The following GPR141 variants were observed in gnomAD, a reference collection of about 807,000 sequenced individuals.
The protein encoded by GPR141 is probable G protein-coupled receptor 141.
A neutral mutation model predicts 6.8 loss-of-function variants in GPR141; 6 were observed. The ratio of observed to expected loss-of-function variants is 0.88; its 90% CI spans 0.48 to 1.74. GPR141 has a LOEUF of 1.74. Ranked by LOEUF, GPR141 falls within the 40% of genes most tolerant of loss-of-function variation. The pLI is 0.01. For missense variants in GPR141, 372 were observed against 372.9 expected (o/e 1.00, Z 0.02); for synonymous variants, 140 against 142.3 (o/e 0.98, Z 0.11).
chr7:37,684,140 A>G (rs1809394589), intron 1 of GPR141, among the ~76,000 whole-genome samples: 1 of 152,240 alleles, frequency 6.6e-6, no homozygotes, highest in South Asian at 2.1e-4. Flanking sequence ...GTGAACAAAA[A>G]TGATTTCAGA....
intron 1 of GPR141, 96 bp from the exon 2 acceptor site, chr7:37,685,364 T>TCCTGCCTGCCTG (rs542068592): frequency 4.1e-5 from 6 of 145,244 alleles, no homozygotes; most frequent in African/African-American, 1.3e-4. Flanking sequence ...CCTCCTTCCT[T>TCCTGCCTGCCTG]CCTGCCTGCC....
At chr7:37,737,311 CT>C (rs1178922646) in intron 2 of GPR141, among the ~76,000 whole-genome samples, 2 of 151,658 alleles carry the variant, frequency 1.3e-5, no homozygotes, top group East Asian at 3.9e-4. Flanking sequence ...GTATAACAAC[CT>C]TTATTTTTTA....
intron 2 of GPR141, among the ~76,000 whole-genome samples, chr7:37,707,073 C>T (rs1170219958): frequency 3.3e-5 from 5 of 152,054 alleles, no homozygotes; most frequent in Non-Finnish European, 7.4e-5. Context: ...TAAAAAGTGT[C>T]TGGTGGTGGA....
chr7:37,691,115 A>G (rs890261861), intron 2 of GPR141, among the ~76,000 whole-genome samples: 2 of 152,044 alleles, frequency 1.3e-5, no homozygotes, highest in African/African-American at 2.4e-5. Flanking sequence ...TTTTATCTGT[A>G]TAAGTATAGT....
intron 2 of GPR141, among the ~76,000 whole-genome samples, chr7:37,701,655 C>T (rs1810281593): frequency 6.6e-6 from 1 of 152,210 alleles, no homozygotes; most frequent in Non-Finnish European, 1.5e-5. Context: ...GTCAACCCTA[C>T]ACACAAATCC....
intron 2 of GPR141, among the ~76,000 whole-genome samples, chr7:37,722,686 A>C (rs1056428020): frequency 4.1e-5 from 6 of 147,070 alleles, no homozygotes; most frequent in African/African-American, 7.7e-5. Flanking sequence ...ATGCCACTGC[A>C]CTCCAGCCTG....
intron 2 of GPR141, among the ~76,000 whole-genome samples, chr7:37,727,109 A>C (rs981828791): frequency 6.6e-6 from 1 of 152,190 alleles, no homozygotes; most frequent in African/African-American, 2.4e-5. Context: ...TGGATATGCT[A>C]ATTTGTTCTT....
chr7:37,702,728 A>C (rs941414149), intron 2 of GPR141, among the ~76,000 whole-genome samples: 2 of 150,314 alleles, frequency 1.3e-5, no homozygotes, highest in African/African-American at 4.9e-5. Flanking sequence ...CTAAAACTTA[A>C]AGTATAATAA....
intron 2 of GPR141, among the ~76,000 whole-genome samples, chr7:37,721,071 A>G (rs1811302826): frequency 6.6e-6 from 1 of 152,174 alleles, no homozygotes; most frequent in Non-Finnish European, 1.5e-5. Context: ...CAGTGAAGAA[A>G]TGTCACTTTT....
chr7:37,698,567 C>T (rs1314216631), intron 2 of GPR141, among the ~76,000 whole-genome samples: 1 of 152,022 alleles, frequency 6.6e-6, no homozygotes, highest in Non-Finnish European at 1.5e-5. Context: ...TGGGGATTTG[C>T]TATGTATTGG....
At chr7:37,698,697 G>A (rs1810138400) in intron 2 of GPR141, among the ~76,000 whole-genome samples, 4 of 152,144 alleles carry the variant, frequency 2.6e-5, no homozygotes, top group Admixed American at 2.6e-4. Flanking sequence ...GTTTTTGTCT[G>A]TGCTTAGACA....
rs1219993915 is a variant in GPR141 at position 37,743,379 on chromosome 7, T to G, written c.*2068T>G. Among the ~76,000 whole-genome samples, 3 of 152,084 alleles carry G rather than the reference T, an allele frequency of 2.0e-5. No individual in the cohort carries two copies. The highest frequency in any genetic ancestry group is 7.2e-5 in the African/African-American group (3 of 41,446). On this transcript the variant is annotated 3_prime_UTR_variant, in exon 3 of 3. Transcript: ENST00000334425. ...TGACTTGTTTCCATATATTTTCTGT[T>G]TTATATATTCTTTTAAATATCCTTT...
rs1812539016 is a variant in GPR141, at chr7:37,741,108, C to T, written c.715C>T (p.Leu239Phe). Residue 239 changes from leucine to phenylalanine, a missense_variant, in exon 3 of 3, where the codon CTT becomes TTT. Physicochemically the swap from Leu to Phe is conservative, Grantham distance 22. Coordinates refer to ENST00000334425, the MANE Select transcript of GPR141 (RefSeq NM_001381946.1). Reference sequence around the variant, plus strand: ...TATAGGGGTCATCCTTGTTTGTTTCCTTCCCTACCAGTTCTTTAGGATCTA... The same window carrying T: ...TATAGGGGTCATCCTTGTTTGTTTCTTTCCCTACCAGTTCTTTAGGATCTA... Reference protein sequence around the residue: ...FFIGVILVCFLPYQFFRIYYL... With the variant: ...FFIGVILVCFFPYQFFRIYYL... 3.1e-6 allele frequency: 5 copies of T among 1,613,816 alleles called. No homozygotes were observed. In the South Asian group the frequency reaches 4.4e-5, roughly 14 times the overall value.
chr7:37,687,911 T>C (rs886159280), intron 2 of GPR141, among the ~76,000 whole-genome samples: 3 of 152,272 alleles, frequency 2.0e-5, no homozygotes, highest in South Asian at 4.1e-4. Context: ...GAGCAAACTT[T>C]TTCTTAAAGG....
At chr7:37,725,724 C>G (rs955258679) in intron 2 of GPR141, among the ~76,000 whole-genome samples, 2 of 152,102 alleles carry the variant, frequency 1.3e-5, no homozygotes, top group Non-Finnish European at 2.9e-5. Flanking sequence ...GAGTGATAGA[C>G]AAAATTTCTT....
intron 2 of GPR141, among the ~76,000 whole-genome samples, chr7:37,724,707 G>T (rs541459946): frequency 8.9e-4 from 135 of 152,302 alleles, no homozygotes; most frequent in African/African-American, 3.2e-3. Flanking sequence ...GTTCTAAGGA[G>T]AGCTCAAAGG....
chr7:37,712,651 A>G (rs963826151), intron 2 of GPR141, among the ~76,000 whole-genome samples: 1 of 152,210 alleles, frequency 6.6e-6, no homozygotes, highest in Non-Finnish European at 1.5e-5. Flanking sequence ...GTGGCAATGC[A>G]TGAGCAGATG....
chr7:37,708,249 C>CT (rs67607558), intron 2 of GPR141, among the ~76,000 whole-genome samples: 147,374 of 147,374 alleles, frequency 1, 73,687 homozygotes, highest in Non-Finnish European at 1. Context: ...AGAATCTGGT[C>CT]TTGTGAGCAT....
intron 2 of GPR141, among the ~76,000 whole-genome samples, chr7:37,706,055 G>A (rs1161071959): frequency 6.6e-6 from 1 of 152,146 alleles, no homozygotes; most frequent in Non-Finnish European, 1.5e-5. Flanking sequence ...CTCCAATGAG[G>A]GTGGTTTAGA....
Sources: gnomAD v4.1 joint callset for allele counts (sites outside exome capture counted in the v4.1 genomes callset) on GRCh38, gnomAD v4.1.1 for gene constraint, MANE v1.5 for transcripts, NCBI Gene and HGNC (gene_info 2026-07-23, HGNC 2026-07-21) for gene names.